The following CD33 variants were observed in gnomAD, a reference collection of about 807,000 sequenced individuals.
The protein encoded by CD33 is myeloid cell surface antigen CD33.
A neutral mutation model predicts 31.4 loss-of-function variants in CD33; 25 were observed. That is an observed-to-expected ratio of 0.80 (90% CI 0.58 to 1.11). The LOEUF is 1.11. Among genes scored for constraint, CD33 ranks in the 50% most tolerant of loss-of-function variants. CD33 has a pLI of 0.00. For synonymous variants in CD33, 176 were observed against 180.6 expected (o/e 0.97, Z 0.20); for missense variants, 407 against 448.1 (o/e 0.91, Z 0.83).
At position 51,235,645 on chromosome 19, in the gene CD33, A is replaced by ACACC; in HGVS notation, c.899_902dup (p.Thr302ProfsTer21). ...GCCAGGACAGCAGTGGGCAGGAATG[A>ACACC]CACCCACCCTACCACAGGGTCAGCC... is the stretch of plus-strand genomic sequence containing the variant. On this transcript the variant is annotated frameshift_variant, in exon 6 of 7. Transcript: ENST00000262262. LOFTEE classifies it low-confidence loss of function (END_TRUNC). The ACACC allele has an allele frequency of 6.2e-7, 1 of 1,613,866 alleles. No homozygotes were observed. Among genetic ancestry groups the ACACC allele is most frequent in the Non-Finnish European group, 8.5e-7 (1 of 1,179,958 alleles).
upstream of CD33, among the ~76,000 whole-genome samples, chr19:51,224,731 C>T (rs539111039): frequency 1.2e-4 from 19 of 152,244 alleles, no homozygotes; most frequent in South Asian, 3.9e-3. Flanking sequence ...GGCTGCGACT[C>T]GGGCCAGGCC....
intron 3 of CD33, 51 bp from the exon 4 acceptor site, chr19:51,226,258 C>T (rs549104922): frequency 6.4e-7 from 1 of 1,574,292 alleles, no homozygotes; most frequent in Admixed American, 1.7e-5. Flanking sequence ...AATGCCTACC[C>T]TTATCTCATC....
chr19:51,228,936 A>G (rs1981223734), intron 4 of CD33, among the ~76,000 whole-genome samples: 1 of 152,210 alleles, frequency 6.6e-6, no homozygotes, highest in Non-Finnish European at 1.5e-5. Flanking sequence ...TTTCAGTACT[A>G]TGTAAAATAA....
At chr19:51,230,335 T>C (rs907490721) in intron 4 of CD33, among the ~76,000 whole-genome samples, 5 of 152,186 alleles carry the variant, frequency 3.3e-5, no homozygotes, top group Non-Finnish European at 5.9e-5. Context: ...ATGTGTATTC[T>C]GCAGCTGTCG....
At position 51,239,564 on chromosome 19, in the gene CD33, G is replaced by C. The variant is rs775556218; in HGVS notation, c.971G>C (p.Ser324Thr). Reference sequence around the variant, plus strand: ...TTACATGGCCCCACTGAAACCTCAAGCTGTTCAGGTGCCGCCCCTACTGTG... The same window carrying C: ...TTACATGGCCCCACTGAAACCTCAACCTGTTCAGGTGCCGCCCCTACTGTG... ...SKLHGPTETS[S>T]CSGAAPTVEM... The change falls in exon 7 of 7, where the codon AGC becomes ACC. Residue 324 changes from serine to threonine, a missense_variant. Ser to Thr is a moderately conservative substitution (Grantham distance 58, BLOSUM62 1). Coordinates refer to ENST00000262262, the MANE Select transcript of CD33 (RefSeq NM_001772.4). 5.6e-6 allele frequency: 9 copies of C among 1,612,590 alleles called. No individual in the cohort carries two copies. The highest frequency in any genetic ancestry group is 3.4e-6 in the Non-Finnish European group (4 of 1,179,444).
At chr19:51,226,474 T>A (rs971328128) in intron 4 of CD33, 118 bp downstream of exon 4, 5 of 837,012 alleles carry the variant, frequency 6.0e-6, no homozygotes, top group Middle Eastern at 4.8e-4. Context: ...TAGACACGGG[T>A]AGACATCAGG....
the CD33 span, among the ~76,000 whole-genome samples, chr19:51,213,863 T>C: frequency 3.4e-4 from 48 of 141,538 alleles, no homozygotes; most frequent in African/African-American, 1.2e-3. Context: ...TTTTTTTTTT[T>C]CCTTTTTTTT....
chr19:51,239,457 G>GA, intron 6 of CD33, 61 bp from the exon 7 acceptor site: 1 of 1,313,236 alleles, frequency 7.6e-7, no homozygotes, highest in Non-Finnish European at 1.0e-6. Context: ...GACCCTCTTT[G>GA]CCTTCTCCTG....
rs144752621 is a variant in CD33, at chr19:51,225,445, A to T, written c.265A>T (p.Arg89Ter). 5.3e-5 allele frequency: 85 copies of T among 1,614,030 alleles called. No individual in the cohort carries two copies. Among genetic ancestry groups the T allele is most frequent in the Middle Eastern group, 1.6e-4 (1 of 6,084 alleles). Residue 89 changes from arginine (R) to a stop codon, truncating the protein, a stop_gained, in exon 2 of 7, where the codon AGA (arginine) becomes TGA (stop). Coordinates refer to ENST00000262262, the MANE Select transcript of CD33 (RefSeq NM_001772.4). LOFTEE classifies it high-confidence loss of function. ...DQEVQEETQG[R>*]FRLLGDPSRN... ...AGAAGTACAGGAGGAGACTCAGGGC[A>T]GATTCCGCCTCCTTGGGGATCCCAG...
At chr19:51,224,551 G>A (rs958976094), upstream of CD33, among the ~76,000 whole-genome samples, 1 of 152,126 alleles carries the variant, frequency 6.6e-6, no homozygotes, top group East Asian at 1.9e-4. Context: ...CCGAGATGAC[G>A]GTGCTCCTGC....
intron 4 of CD33, among the ~76,000 whole-genome samples, chr19:51,233,098 G>A (rs1981535102): frequency 6.6e-6 from 1 of 152,198 alleles, no homozygotes; most frequent in African/African-American, 2.4e-5. Flanking sequence ...TGGCTCACAA[G>A]GCTGTTTCTC....
At chr19:51,229,897 C>T (rs889904424) in intron 4 of CD33, among the ~76,000 whole-genome samples, 1 of 151,284 alleles carries the variant, frequency 6.6e-6, no homozygotes, top group Non-Finnish European at 1.5e-5. Context: ...TGATTTCTTT[C>T]ATTGTGCTGA....
intron 6 of CD33, chr19:51,238,261 G>A (rs1981927533): frequency 6.6e-6 from 1 of 152,204 alleles, no homozygotes; most frequent in Non-Finnish European, 1.5e-5. Flanking sequence ...ACATTATTTT[G>A]GTTACCGTAA....
chr19:51,219,747 T>C, the CD33 span, among the ~76,000 whole-genome samples: 1 of 152,206 alleles, frequency 6.6e-6, no homozygotes, highest in Non-Finnish European at 1.5e-5. Flanking sequence ...GATGTTGGAT[T>C]TTATCAAAAG....
chr19:51,218,711 A>C, the CD33 span, among the ~76,000 whole-genome samples: 1 of 152,156 alleles, frequency 6.6e-6, no homozygotes, highest in East Asian at 1.9e-4. Context: ...GTATGGTGAG[A>C]GATAGGGGTC....
intron 1 of CD33, 27 bp from the exon 2 acceptor site, chr19:51,225,191 G>C: frequency 6.2e-7 from 1 of 1,613,424 alleles, no homozygotes; most frequent in East Asian, 2.2e-5. Flanking sequence ...GTCGGGCTGG[G>C]CCGAGCTGAC....
the CD33 span, among the ~76,000 whole-genome samples, chr19:51,217,717 C>T: frequency 1.3e-5 from 2 of 152,286 alleles, no homozygotes; most frequent in East Asian, 3.9e-4. Context: ...CCACTCCTGG[C>T]CTCCAATGTC....
chr19:51,227,977 C>G (rs1252423385), intron 4 of CD33, among the ~76,000 whole-genome samples: 1 of 152,140 alleles, frequency 6.6e-6, no homozygotes, highest in African/African-American at 2.4e-5. Context: ...AGAAACTGCT[C>G]TTTCCTCAAT....
At position 51,225,943 on chromosome 19, in the gene CD33, C is replaced by T. The variant is rs557555912; in HGVS notation, c.559C>T (p.Leu187=). 1.2e-6 allele frequency: 2 copies of T among 1,614,160 alleles called. No individual in the cohort carries two copies. The highest frequency in any genetic ancestry group is 4.5e-5 in the East Asian group (2 of 44,870). ...CTGGTTGTCAGCTGCCCCCACCTCC[C>T]TGGGCCCCAGGACTACTCACTCCTC... ...FSWLSAAPTS[L]GPRTTHSSVL... is the part of the protein sequence containing the mutation. The change falls in exon 3 of 7, where the codon CTG becomes TTG. Residue 187 remains leucine (L), a synonymous_variant. Transcript: ENST00000262262.
Sources: allele counts gnomAD v4.1 joint callset (sites outside exome capture counted in the v4.1 genomes callset), GRCh38; gene constraint gnomAD v4.1.1; transcripts MANE v1.5; gene names NCBI Gene and HGNC (gene_info 2026-07-23, HGNC 2026-07-21).